STAC: variants seen among roughly 807,000 people sequenced by gnomAD.
The protein encoded by STAC is SH3 and cysteine rich domain, also known as SH3 and cysteine-rich domain-containing protein.
Under a neutral mutation model 48.8 loss-of-function variants are expected in STAC, and 43 were observed. That is an observed-to-expected ratio of 0.88 (90% CI 0.69 to 1.14). The LOEUF is 1.14. Ranked by LOEUF, STAC falls within the 50% of genes most tolerant of loss-of-function variation. STAC has a pLI of 0.00. For missense variants in STAC, 497 were observed against 504.0 expected, an observed-to-expected ratio of 0.99 and a Z score of 0.13; for synonymous variants, 193 against 179.5, an observed-to-expected ratio of 1.07 and a Z score of -0.60.
chr3:36,519,848 T>C (rs1464866754), intron 8 of STAC, among the ~76,000 whole-genome samples: 1 of 152,180 alleles, frequency 6.6e-6, no homozygotes, highest in African/African-American at 2.4e-5. Context: ...CAATGAGGAA[T>C]GCTGACAGGA....
Position 36,504,392 on chromosome 3 carries a change from G to A in STAC, c.767-1G>A. The A allele has an allele frequency of 6.2e-7, 1 of 1,612,892 alleles. No homozygotes were observed. Among genetic ancestry groups the A allele is most frequent in the Non-Finnish European group, 8.5e-7 (1 of 1,179,194 alleles). On this transcript the variant is annotated splice_acceptor_variant, in intron 6 of 10. Coordinates refer to ENST00000273183, the MANE Select transcript of STAC (RefSeq NM_003149.3). LOFTEE classifies it high-confidence loss of function. ...CACCTGCTTTCTCTTGTCTCCTTCA[G>A]TGTTTACATATCCAGAAAATGGCAC...
At chr3:36,411,820 C>T (rs1050750644) in intron 1 of STAC, among the ~76,000 whole-genome samples, 1 of 152,148 alleles carries the variant, frequency 6.6e-6, no homozygotes. Flanking sequence ...TTCCTGACTC[C>T]ACCACTTCCT....
chr3:36,397,586 G>C (rs1699879858), intron 1 of STAC, among the ~76,000 whole-genome samples: 1 of 152,150 alleles, frequency 6.6e-6, no homozygotes, highest in Non-Finnish European at 1.5e-5. Flanking sequence ...AAAGCATACA[G>C]TTTATGCTTC....
chr3:36,518,475 T>C (rs1056443189), intron 8 of STAC, among the ~76,000 whole-genome samples: 3 of 152,218 alleles, frequency 2.0e-5, no homozygotes, highest in African/African-American at 7.2e-5. Flanking sequence ...GGAACTGCTC[T>C]TTCAGTATTA....
intron 3 of STAC, among the ~76,000 whole-genome samples, chr3:36,484,570 TC>T: frequency 6.6e-6 from 1 of 152,304 alleles, no homozygotes; most frequent in South Asian, 2.1e-4. Context: ...CCCTCTGAGG[TC>T]CACTTACCCA....
At chr3:36,447,715 G>T (rs2125671146) in intron 2 of STAC, among the ~76,000 whole-genome samples, 1 of 151,406 alleles carries the variant, frequency 6.6e-6, no homozygotes, top group Middle Eastern at 3.4e-3. Flanking sequence ...ACAAAGCAAT[G>T]TTTGCTCATC....
Position 36,451,744 on chromosome 3 carries a change from T to A in STAC, c.388+8104T>A, listed in dbSNP as rs146886522. ...TCCATCACTTCAAACATTCATCATT[T>A]CTTTGTGTTGGGAATATTTCAAATC... On this transcript the variant is annotated intron_variant, in intron 2 of 10. Coordinates refer to ENST00000273183, the MANE Select transcript of STAC (RefSeq NM_003149.3). Among the ~76,000 whole-genome samples, 18 of 152,368 alleles carry A rather than the reference T, an allele frequency of 1.2e-4. No homozygotes were observed. The East Asian group carries it at 2.7e-3, about 23-fold the overall frequency.
At chr3:36,494,174 A>AGAAAGAGC (rs1698075134) in intron 6 of STAC, among the ~76,000 whole-genome samples, 1 of 149,522 alleles carries the variant, frequency 6.7e-6, no homozygotes, top group African/African-American at 2.4e-5. Context: ...AAAAAAAAAA[A>AGAAAGAGC]GAAAGAGCCA....
intron 8 of STAC, among the ~76,000 whole-genome samples, chr3:36,510,504 A>G (rs1400560051): frequency 6.6e-6 from 1 of 152,202 alleles, no homozygotes. Context: ...AGACACATGT[A>G]CACGTATGTT....
chr3:36,414,321 G>A (rs1432783416), intron 1 of STAC, among the ~76,000 whole-genome samples: 15 of 151,904 alleles, frequency 9.9e-5, no homozygotes, highest in African/African-American at 1.7e-4. Context: ...CCAATCAGAC[G>A]TAGATTTGGT....
At chr3:36,417,142 T>C (rs1470006471) in intron 1 of STAC, among the ~76,000 whole-genome samples, 1 of 152,094 alleles carries the variant, frequency 6.6e-6, no homozygotes, top group Non-Finnish European at 1.5e-5. Context: ...GCATAAATGC[T>C]CTGCATGGAC....
intron 7 of STAC, among the ~76,000 whole-genome samples, chr3:36,505,085 C>T (rs1698369316): frequency 6.6e-6 from 1 of 152,032 alleles, no homozygotes; most frequent in Non-Finnish European, 1.5e-5. Context: ...GGGACAAAAA[C>T]AGAATCTACC....
At chr3:36,543,890 T>C (rs62243793) in intron 10 of STAC, among the ~76,000 whole-genome samples, 3,717 of 152,284 alleles carry the variant, frequency 0.024, 58 homozygotes, top group Non-Finnish European at 0.039. Flanking sequence ...TGTCAATAAA[T>C]TGTTTTCAAG....
At position 36,449,125 on chromosome 3, in the gene STAC, A is replaced by T. The variant is rs533232612; in HGVS notation, c.388+5485A>T. On this transcript the variant is annotated intron_variant, in intron 2 of 10. Coordinates refer to ENST00000273183, the MANE Select transcript of STAC (RefSeq NM_003149.3). ...CGGAGTGAGACTTCATCTCTTAAAA[A>T]AAAATTAAGAAAGAAGATGTAGGCT... 2.0e-5 allele frequency among the ~76,000 whole-genome samples: 3 copies of T among 152,198 alleles called. No homozygotes were observed. In the East Asian group the frequency reaches 5.8e-4, roughly 29 times the overall value.
intron 2 of STAC, among the ~76,000 whole-genome samples, chr3:36,450,506 A>C (rs1246049414): frequency 6.6e-6 from 1 of 152,184 alleles, no homozygotes; most frequent in African/African-American, 2.4e-5. Flanking sequence ...GGATATCTTC[A>C]CTGTGAATTA....
At chr3:36,434,280 A>G (rs1422994692) in intron 1 of STAC, among the ~76,000 whole-genome samples, 1 of 152,246 alleles carries the variant, frequency 6.6e-6, no homozygotes, top group Non-Finnish European at 1.5e-5. Flanking sequence ...CTTAGATGTC[A>G]TCATTTAATG....
At chr3:36,455,760 G>GGTGTGTGT (rs71085125) in intron 2 of STAC, among the ~76,000 whole-genome samples, 2,544 of 149,236 alleles carry the variant, frequency 0.017, 64 homozygotes, top group African/African-American at 0.058. Flanking sequence ...GAAACAGGCA[G>GGTGTGTGT]GTGTGTGTGT....
At chr3:36,498,716 G>A (rs948812578) in intron 6 of STAC, among the ~76,000 whole-genome samples, 1 of 152,096 alleles carries the variant, frequency 6.6e-6, no homozygotes, top group Admixed American at 6.6e-5. Flanking sequence ...TTATGCCACT[G>A]TACTCCAGCC....
chr3:36,491,916 A>C (rs1697977093), intron 5 of STAC, among the ~76,000 whole-genome samples: 2 of 145,408 alleles, frequency 1.4e-5, no homozygotes. Context: ...TGAGAAGCTG[A>C]GGCACAAGAA....
Sources: allele counts gnomAD v4.1 joint callset (sites outside exome capture counted in the v4.1 genomes callset), GRCh38; gene constraint gnomAD v4.1.1; transcripts MANE v1.5; gene names NCBI Gene and HGNC (gene_info 2026-07-23, HGNC 2026-07-21).